SFI1: variants seen among roughly 807,000 people sequenced by gnomAD.
SFI1 encodes protein SFI1 homolog.
In SFI1, 195 loss-of-function variants were observed where a neutral mutation model predicts 207.5. The observed-to-expected ratio is 0.94, with a 90% confidence interval of 0.84 to 1.06. The LOEUF (loss-of-function observed/expected upper bound fraction) is 1.06, where lower values mean the gene tolerates loss of function less well. SFI1 is among the 50% of genes least tolerant of loss of function. SFI1 has a pLI of 0.00. For synonymous variants in SFI1, 630 were observed against 598.9 expected, an observed-to-expected ratio of 1.05 and a Z score of -0.76; for missense variants, 1,634 against 1,588.0, an observed-to-expected ratio of 1.03 and a Z score of -0.49.
chr22:31,508,490 G>GT (rs1219485659), intron 2 of SFI1, 114 bp downstream of exon 2: 70 of 681,576 alleles, frequency 1.0e-4, no homozygotes, highest in Non-Finnish European at 1.3e-4. Flanking sequence ...CTGTGGGTAA[G>GT]TTTTTTTTGT....
chr22:31,569,949 A>T (rs1403680497), intron 8 of SFI1, among the ~76,000 whole-genome samples: 1 of 8,836 alleles, frequency 1.1e-4, no homozygotes, highest in Non-Finnish European at 4.7e-4. Flanking sequence ...ACCTATCTCA[A>T]AAAAAAAAAA....
At chr22:31,511,895 G>A (rs1024123530) in intron 2 of SFI1, among the ~76,000 whole-genome samples, 1 of 151,960 alleles carries the variant, frequency 6.6e-6, no homozygotes, top group South Asian at 2.1e-4. Flanking sequence ...CAAGTGATCC[G>A]CCTGTCTTGG....
chr22:31,545,349 G>A (rs967493547), intron 4 of SFI1, among the ~76,000 whole-genome samples: 7 of 149,938 alleles, frequency 4.7e-5, no homozygotes, highest in Non-Finnish European at 1.0e-4. Context: ...TGGGCAACAA[G>A]AGCAAAACTC....
At chr22:31,546,598 G>A (rs1277417658) in intron 4 of SFI1, among the ~76,000 whole-genome samples, 1 of 151,034 alleles carries the variant, frequency 6.6e-6, no homozygotes, top group Non-Finnish European at 1.5e-5. Flanking sequence ...GGGATTACAG[G>A]TGTGAGGCAC....
chr22:31,542,796 G>A (rs2059683251), intron 4 of SFI1, among the ~76,000 whole-genome samples: 1 of 150,898 alleles, frequency 6.6e-6, no homozygotes, highest in Admixed American at 6.6e-5. Flanking sequence ...CAAGTAGCTG[G>A]GACTACAGGC....
intron 5 of SFI1, among the ~76,000 whole-genome samples, chr22:31,547,719 A>T (rs1386418713): frequency 6.6e-6 from 1 of 151,256 alleles, no homozygotes; most frequent in Non-Finnish European, 1.5e-5. Context: ...GCCTGGGTTC[A>T]AGTGATTCTC....
intron 5 of SFI1, among the ~76,000 whole-genome samples, chr22:31,548,033 T>C (rs866173177): frequency 6.6e-6 from 1 of 151,070 alleles, no homozygotes; most frequent in African/African-American, 2.4e-5. Flanking sequence ...GCTAACATGG[T>C]GAAACCCCGT....
chr22:31,499,689 T>TC (rs1183587460), intron 1 of SFI1, among the ~76,000 whole-genome samples: 1 of 151,864 alleles, frequency 6.6e-6, no homozygotes. Context: ...AGGAAGAGAG[T>TC]CCATCGATGT....
chr22:31,513,616 C>T (rs539452603), intron 2 of SFI1, among the ~76,000 whole-genome samples: 13 of 122,700 alleles, frequency 1.1e-4, no homozygotes, highest in Admixed American at 2.4e-4. Flanking sequence ...CTTGCTCTGT[C>T]GCCCAGGCTG....
chr22:31,536,543 C>G (rs2059010413), intron 4 of SFI1, among the ~76,000 whole-genome samples: 1 of 152,158 alleles, frequency 6.6e-6, no homozygotes, highest in Non-Finnish European at 1.5e-5. Context: ...TCCTGAGTAG[C>G]TGGGATTAAA....
Position 31,546,876 on chromosome 22 carries a change from G to C in SFI1, c.354G>C (p.Gln118His). ...TTTGCCGTAGATTTTACTATGAGCAGCGATTACTACGGAAGGTCTTCGAAG... is the reference window on the plus strand; with the variant it reads ...TTTGCCGTAGATTTTACTATGAGCACCGATTACTACGGAAGGTCTTCGAAG... The part of the protein sequence containing the change: ...FPSKARFYYE[Q>H]RLLRKVFEEW... The change falls in exon 5 of 33, where the codon CAG becomes CAC. Residue 118 changes from glutamine to histidine, a missense_variant. By Grantham distance (24) the Gln-to-His change is conservative. Coordinates refer to ENST00000400288, the MANE Select transcript of SFI1 (RefSeq NM_001007467.3). 6.2e-7 allele frequency: 1 copy of C among 1,606,900 alleles called. No individual in the cohort carries two copies. The highest frequency in any genetic ancestry group is 8.5e-7 in the Non-Finnish European group (1 of 1,176,704).
Position 31,614,775 on chromosome 22 carries a change from A to G in SFI1, c.2997-14A>G, listed in dbSNP as rs531978553. ...TGGTCAGCCCAGGGGAACAGACCCC[A>G]TGTTTCTTTCCAGCAACACTGCCCA... On this transcript the variant is annotated splice_polypyrimidine_tract_variant and intron_variant, in intron 27 of 32. Coordinates refer to ENST00000400288, the MANE Select transcript of SFI1 (RefSeq NM_001007467.3). 1.9e-6 allele frequency: 3 copies of G among 1,613,456 alleles called. No homozygotes were observed. The highest frequency in any genetic ancestry group is 2.7e-5 in the African/African-American group (2 of 74,946).
intron 6 of SFI1, among the ~76,000 whole-genome samples, chr22:31,552,758 TC>T (rs1465523200): frequency 6.6e-6 from 1 of 152,182 alleles, no homozygotes; most frequent in African/African-American, 2.4e-5. Flanking sequence ...CATACTGTTT[TC>T]CATAGAGGTT....
rs1412143169 is a variant in SFI1, at chr22:31,548,899, G to A, written c.450-1355G>A. Among the ~76,000 whole-genome samples the A allele has an allele frequency of 2.0e-5, 3 of 152,114 alleles. No homozygotes were observed. In the East Asian group the frequency reaches 5.8e-4, roughly 29 times the overall value. On this transcript the variant is annotated intron_variant, in intron 5 of 32. Transcript: ENST00000400288. ...AGATGAAGGTCTTAAGATGTATAGT[G>A]TATGTATCAAGAAGAAGGAAAAGGT...
chr22:31,604,855 C>G lies in SFI1; in HGVS notation c.1978-14C>G, dbSNP rs1244335845. On this transcript the variant is annotated splice_polypyrimidine_tract_variant and intron_variant, in intron 19 of 32. Transcript: ENST00000400288. ...GGGCCCAAGAGCAGCCTCAGTCTTC[C>G]TTGTCCCCTACAGACTTACCAGGGC... 3 of 1,609,936 alleles carry G rather than the reference C, an allele frequency of 1.9e-6. No individual in the cohort carries two copies. In the African/African-American group the frequency reaches 4.0e-5, roughly 22 times the overall value.
chr22:31,506,098 G>T (rs1221423045), intron 1 of SFI1, among the ~76,000 whole-genome samples: 1 of 118,638 alleles, frequency 8.4e-6, no homozygotes. Flanking sequence ...TGCCCAGGCT[G>T]CAGTGCAGTG....
chr22:31,616,689 C>A (rs745685046), intron 29 of SFI1, 56 bp from the exon 30 acceptor site: 3 of 1,502,716 alleles, frequency 2.0e-6, no homozygotes, highest in South Asian at 1.4e-5. Context: ...TGGTGTCCCC[C>A]TCCCTGGCTT....
intron 24 of SFI1, chr22:31,612,906 G>A (rs954733583): frequency 5.7e-6 from 3 of 530,192 alleles, no homozygotes; most frequent in East Asian, 3.0e-5. Flanking sequence ...CTGCCTCCAC[G>A]CATCCCCCTG....
chr22:31,554,807 T>C (rs376148995), intron 6 of SFI1, among the ~76,000 whole-genome samples: 1 of 152,098 alleles, frequency 6.6e-6, no homozygotes, highest in East Asian at 1.9e-4. Flanking sequence ...AGACATTTAC[T>C]GCTATAAAGT....
Sources: gnomAD v4.1 joint callset for allele counts (sites outside exome capture counted in the v4.1 genomes callset) on GRCh38, gnomAD v4.1.1 for gene constraint, MANE v1.5 for transcripts, NCBI Gene and HGNC (gene_info 2026-07-23, HGNC 2026-07-21) for gene names.